Variants in ATP10B observed in about 807,000 individuals in gnomAD.
The protein encoded by ATP10B is ATPase phospholipid transporting 10B (putative).
In ATP10B, 122 loss-of-function variants were observed where a neutral mutation model predicts 141.2. That is an observed-to-expected ratio of 0.86 (90% CI 0.75 to 1.00). The LOEUF (loss-of-function observed/expected upper bound fraction) is 1.00, where lower values mean the gene tolerates loss of function less well. ATP10B is among the 50% of genes least tolerant of loss of function. The pLI is 0.00. For synonymous variants in ATP10B, 685 were observed against 692.0 expected (o/e 0.99, Z 0.16); for missense variants, 1,876 against 1,825.3 (o/e 1.03, Z -0.51).
intron 3 of ATP10B, among the ~76,000 whole-genome samples, chr5:160,699,182 A>G (rs1764540107): frequency 6.6e-6 from 1 of 152,246 alleles, no homozygotes; most frequent in Non-Finnish European, 1.5e-5. Flanking sequence ...AAATAAAAAG[A>G]CAGTGCAGGC....
At chr5:160,755,054 A>G (rs1033179162) in intron 2 of ATP10B, among the ~76,000 whole-genome samples, 2 of 152,194 alleles carry the variant, frequency 1.3e-5, no homozygotes, top group African/African-American at 4.8e-5. Context: ...GAACTACCTG[A>G]GACTGGGTAA....
At chr5:160,725,544 C>G (rs1441038794) in intron 2 of ATP10B, among the ~76,000 whole-genome samples, 1 of 152,008 alleles carries the variant, frequency 6.6e-6, no homozygotes, top group Non-Finnish European at 1.5e-5. Context: ...CTCCCGGGTT[C>G]ATGCCATTCT....
At chr5:160,912,830 T>G in the ATP10B span, among the ~76,000 whole-genome samples, 5 of 152,218 alleles carry the variant, frequency 3.3e-5, no homozygotes, top group African/African-American at 1.2e-4. Flanking sequence ...CACACTTTCC[T>G]GTGTTCTCTG....
intron 3 of ATP10B, among the ~76,000 whole-genome samples, chr5:160,709,605 T>G (rs1765230886): frequency 2.0e-5 from 2 of 101,424 alleles, no homozygotes; most frequent in South Asian, 6.1e-4. Flanking sequence ...TTTTTTTTTT[T>G]TAATTTTTTT....
chr5:160,695,278 T>C (rs1452179068), intron 3 of ATP10B, among the ~76,000 whole-genome samples: 1 of 152,226 alleles, frequency 6.6e-6, no homozygotes, highest in African/African-American at 2.4e-5. Flanking sequence ...GACTCCACTC[T>C]AATTTTTAGT....
chr5:160,853,235 C>T (rs1753893415), upstream of ATP10B, among the ~76,000 whole-genome samples: 1 of 152,198 alleles, frequency 6.6e-6, no homozygotes, highest in South Asian at 2.1e-4. Context: ...AATTCTCCAT[C>T]TGCTAAAGAG....
chr5:160,793,895 A>G (rs1561860166), intron 1 of ATP10B, among the ~76,000 whole-genome samples: 2 of 152,322 alleles, frequency 1.3e-5, no homozygotes, highest in Admixed American at 6.5e-5. Context: ...ACAGTATTCA[A>G]TAGAGGAACA....
At chr5:160,868,355 C>T in the ATP10B span, among the ~76,000 whole-genome samples, 111,165 of 151,952 alleles carry the variant, frequency 0.73, 42,096 homozygotes, top group East Asian at 0.97. Context: ...ACTTAATGAC[C>T]AGTAAACACC....
chr5:160,661,217 A>G (rs1178748475), intron 7 of ATP10B, among the ~76,000 whole-genome samples: 1 of 152,010 alleles, frequency 6.6e-6, no homozygotes, highest in Non-Finnish European at 1.5e-5. Flanking sequence ...AACAACAACT[A>G]CAACAACAAG....
chr5:160,797,960 A>G (rs866273411), intron 1 of ATP10B, among the ~76,000 whole-genome samples: 37 of 139,074 alleles, frequency 2.7e-4, no homozygotes, highest in African/African-American at 9.3e-4. Context: ...AAAAAAAAAA[A>G]AAAGAGAAAA....
the ATP10B span, among the ~76,000 whole-genome samples, chr5:160,910,982 G>C: frequency 6.6e-6 from 1 of 152,284 alleles, no homozygotes; most frequent in Non-Finnish European, 1.5e-5. Context: ...GTTGAAAAGA[G>C]TCTTTCTTCC....
chr5:160,909,367 C>T, the ATP10B span, among the ~76,000 whole-genome samples: 32 of 152,224 alleles, frequency 2.1e-4, no homozygotes, highest in African/African-American at 6.7e-4. Flanking sequence ...GATACTGTGG[C>T]TAGAGAAATG....
At chr5:160,834,223 G>A (rs1244149050) in intron 1 of ATP10B, among the ~76,000 whole-genome samples, 1 of 152,070 alleles carries the variant, frequency 6.6e-6, no homozygotes, top group Non-Finnish European at 1.5e-5. Context: ...TACTTGGGAG[G>A]CTGAGGCATG....
chr5:160,598,819 T>G lies in ATP10B; in HGVS notation c.3515A>C (p.Glu1172Ala), dbSNP rs375493659. Reference sequence around the variant, plus strand: ...TAGCTCAGGCAATGCCAGGAGTGTTTCTGCAGAGATGTCTTTGTCAAGGAC... The same window carrying G: ...TAGCTCAGGCAATGCCAGGAGTGTTGCTGCAGAGATGTCTTTGTCAAGGAC... ...FGVLDKDISA[E>A]TLLALPELYK... Residue 1172 changes from glutamate to alanine, a missense_variant, in exon 22 of 26, where the codon GAA becomes GCA. Coordinates refer to ENST00000327245, the MANE Select transcript of ATP10B (RefSeq NM_025153.3). 1.9e-6 allele frequency: 3 copies of G among 1,614,162 alleles called. No homozygotes were observed. Among genetic ancestry groups the G allele is most frequent in the Admixed American group, 1.7e-5 (1 of 60,018 alleles).
chr5:160,797,412 T>C (rs1772026724), intron 1 of ATP10B, among the ~76,000 whole-genome samples: 1 of 152,206 alleles, frequency 6.6e-6, no homozygotes, highest in Non-Finnish European at 1.5e-5. Context: ...AAATTGTTTA[T>C]TGTGAGTTGC....
intron 24 of ATP10B, among the ~76,000 whole-genome samples, chr5:160,584,079 A>G (rs1581151676): frequency 1.4e-5 from 2 of 144,402 alleles, no homozygotes; most frequent in Non-Finnish European, 1.6e-5. Flanking sequence ...TGGGGTATGG[A>G]AAAAAAAAAC....
the ATP10B span, among the ~76,000 whole-genome samples, chr5:160,867,052 T>TAG: frequency 6.6e-6 from 1 of 152,148 alleles, no homozygotes; most frequent in Non-Finnish European, 1.5e-5. Flanking sequence ...CATCATGTAC[T>TAG]AGCTATATGT....
At chr5:160,912,342 T>C in the ATP10B span, among the ~76,000 whole-genome samples, 9 of 144,046 alleles carry the variant, frequency 6.2e-5, no homozygotes. Flanking sequence ...TTTGGGAGAC[T>C]GAAGAGGGTG....
chr5:160,791,575 T>A (rs1005429531), intron 1 of ATP10B, among the ~76,000 whole-genome samples: 14 of 152,210 alleles, frequency 9.2e-5, no homozygotes, highest in African/African-American at 3.4e-4. Context: ...CTGCTGTTAC[T>A]TCCAGGGTTA....
Sources: allele counts gnomAD v4.1 joint callset (sites outside exome capture counted in the v4.1 genomes callset), GRCh38; gene constraint gnomAD v4.1.1; transcripts MANE v1.5; gene names NCBI Gene and HGNC (gene_info 2026-07-23, HGNC 2026-07-21).